Variants in COL14A1 observed in about 807,000 individuals in gnomAD.
COL14A1 encodes the protein collagen alpha-1(XIV) chain.
In COL14A1, 136 loss-of-function variants were observed where a neutral mutation model predicts 230.3. The ratio of observed to expected loss-of-function variants is 0.59; its 90% CI spans 0.51 to 0.68. COL14A1 has a LOEUF of 0.68. Ranked by LOEUF, COL14A1 falls within the 30% of genes least tolerant of loss-of-function variation. COL14A1 has a pLI of 0.00. For missense variants in COL14A1, 1,976 were observed against 2,215.8 expected (o/e 0.89, Z 2.17); for synonymous variants, 792 against 784.1 (o/e 1.01, Z -0.17).
chr8:120,315,497 A>T (rs1168918957), intron 38 of COL14A1, 36 bp from the exon 39 acceptor site: 1 of 1,557,980 alleles, frequency 6.4e-7, no homozygotes, highest in Non-Finnish European at 8.8e-7. Flanking sequence ...GAATTTACCT[A>T]TGTGAACTTA....
At chr8:120,173,661 T>TCTAA (rs1816172755) in intron 5 of COL14A1, among the ~76,000 whole-genome samples, 1 of 150,624 alleles carries the variant, frequency 6.6e-6, no homozygotes, top group Non-Finnish European at 1.5e-5. Context: ...TATCTATCTA[T>TCTAA]CTATCTATCT....
intron 8 of COL14A1, among the ~76,000 whole-genome samples, chr8:120,202,398 A>G (rs978209472): frequency 3.3e-5 from 5 of 152,192 alleles, no homozygotes; most frequent in African/African-American, 1.2e-4. Context: ...CCAGCCATCT[A>G]AGAAGTAATT....
chr8:120,322,394 A>G (rs1466300277), intron 40 of COL14A1, among the ~76,000 whole-genome samples: 1 of 152,236 alleles, frequency 6.6e-6, no homozygotes, highest in Admixed American at 6.5e-5. Flanking sequence ...AAAATAAAAT[A>G]GTATATGTGG....
chr8:120,319,217 T>A (rs1586859808), intron 40 of COL14A1, among the ~76,000 whole-genome samples: 1 of 152,082 alleles, frequency 6.6e-6, no homozygotes, highest in East Asian at 1.9e-4. Flanking sequence ...AGTACAGTGG[T>A]GTAATCATGA....
At chr8:120,353,451 GC>G (rs1298914790) in intron 45 of COL14A1, among the ~76,000 whole-genome samples, 1 of 122,356 alleles carries the variant, frequency 8.2e-6, no homozygotes, top group Non-Finnish European at 1.7e-5. Flanking sequence ...GAGTGAACAG[GC>G]AACCTACAAA....
intron 23 of COL14A1, among the ~76,000 whole-genome samples, chr8:120,259,269 TA>T (rs1166833921): frequency 6.6e-6 from 1 of 152,286 alleles, no homozygotes; most frequent in Non-Finnish European, 1.5e-5. Context: ...TGGAACTCAA[TA>T]ACTACTTGTA....
chr8:120,175,150 G>A (rs1428283931), intron 5 of COL14A1, among the ~76,000 whole-genome samples: 1 of 152,206 alleles, frequency 6.6e-6, no homozygotes, highest in Admixed American at 6.5e-5. Flanking sequence ...TGCAGTTAAA[G>A]TTACAGTTAA....
chr8:120,217,395 G>T (rs1183278187), intron 14 of COL14A1, among the ~76,000 whole-genome samples: 2 of 152,132 alleles, frequency 1.3e-5, no homozygotes, highest in African/African-American at 2.4e-5. Context: ...AAACAGCGAG[G>T]TTATTTTTAT....
At chr8:120,174,247 T>A (rs1440970083) in intron 5 of COL14A1, among the ~76,000 whole-genome samples, 2 of 143,364 alleles carry the variant, frequency 1.4e-5, no homozygotes, top group Non-Finnish European at 3.1e-5. Flanking sequence ...AGGAAGTTTG[T>A]GGGTTTGGAT....
intron 45 of COL14A1, among the ~76,000 whole-genome samples, chr8:120,347,912 G>T (rs1822578827): frequency 6.6e-6 from 1 of 152,100 alleles, no homozygotes. Flanking sequence ...ACAAAAGCAA[G>T]ATTATGAGAA....
At chr8:120,340,132 G>A (rs1756608608) in intron 42 of COL14A1, among the ~76,000 whole-genome samples, 1 of 150,892 alleles carries the variant, frequency 6.6e-6, no homozygotes, top group African/African-American at 2.4e-5. Flanking sequence ...GTGTGTGTGT[G>A]TGTATTGAAT....
intron 24 of COL14A1, among the ~76,000 whole-genome samples, chr8:120,264,922 G>A (rs1281089295): frequency 6.6e-6 from 1 of 152,092 alleles, no homozygotes; most frequent in Non-Finnish European, 1.5e-5. Context: ...ACCCCGCACT[G>A]GTTAACTGCT....
At chr8:120,340,257 G>C (rs1822247702) in intron 42 of COL14A1, among the ~76,000 whole-genome samples, 1 of 152,098 alleles carries the variant, frequency 6.6e-6, no homozygotes, top group Non-Finnish European at 1.5e-5. Flanking sequence ...CATCTTCAGT[G>C]ACAGCACATT....
chr8:120,325,640 AAC>A (rs1259706837), intron 40 of COL14A1, among the ~76,000 whole-genome samples: 6 of 152,062 alleles, frequency 3.9e-5, no homozygotes, highest in African/African-American at 1.2e-4. Context: ...TTACAGGCGT[AAC>A]GTACCGCACC....
intron 13 of COL14A1, chr8:120,213,849 T>C (rs779653981): frequency 9.3e-5 from 31 of 332,056 alleles, no homozygotes; most frequent in Non-Finnish European, 1.4e-4. Context: ...TTGCCAAATG[T>C]AATAGAATTC....
At position 120,250,740 on chromosome 8, in the gene COL14A1, A is replaced by C. The variant is rs746932429; in HGVS notation, c.2726A>C (p.Asp909Ala). ...GCCTCCCAGGCCTCAGGCTTCAGCG[A>C]CGCCCTGACAGGCATGGTGAAAACA... Reference protein sequence around the residue: ...IFASQASGFSDALTGMVKTLF... With the variant: ...IFASQASGFSAALTGMVKTLF... The change falls in exon 22 of 48, where the codon GAC becomes GCC. Residue 909 changes from aspartate (D) to alanine (A), a missense_variant. Transcript: ENST00000297848. The C allele has an allele frequency of 6.2e-7, 1 of 1,614,062 alleles. No individual in the cohort carries two copies. The highest frequency in any genetic ancestry group is 1.1e-5 in the South Asian group (1 of 91,080).
Position 120,278,572 on chromosome 8 carries a change from T to A in COL14A1, c.3475T>A (p.Leu1159Ile). The change falls in exon 28 of 48, where the codon TTA becomes ATA. Residue 1159 changes from leucine to isoleucine, a missense_variant. Leu to Ile is a conservative substitution (Grantham distance 5). Around this residue, in one of 3 missense-constraint regions of COL14A1, gnomAD observed 1,791 missense variants for 2,019.5 expected, o/e 0.89. Transcript: ENST00000297848. ...DVNKISREMQ[L>I]DGYSIFAIGV... ...GAACAAAATCTCCAGGGAGATGCAATTAGATGGTAAGATATATAAACAATA... is the reference window on the plus strand; with the variant it reads ...GAACAAAATCTCCAGGGAGATGCAAATAGATGGTAAGATATATAAACAATA... 1 of 1,612,052 alleles carries A rather than the reference T, an allele frequency of 6.2e-7. No individual in the cohort carries two copies. Among genetic ancestry groups the A allele is most frequent in the Non-Finnish European group, 8.5e-7 (1 of 1,179,062 alleles).
At chr8:120,150,834 A>G (rs555835496) in intron 2 of COL14A1, among the ~76,000 whole-genome samples, 1 of 152,220 alleles carries the variant, frequency 6.6e-6, no homozygotes, top group East Asian at 1.9e-4. Flanking sequence ...TTATATTCGA[A>G]TTGTATTTTA....
intron 42 of COL14A1, among the ~76,000 whole-genome samples, chr8:120,333,532 A>G (rs913745418): frequency 6.6e-6 from 1 of 152,246 alleles, no homozygotes; most frequent in Non-Finnish European, 1.5e-5. Flanking sequence ...CTGCAAACAC[A>G]CTAAGAATGT....
Sources: gnomAD v4.1 joint callset for allele counts (sites outside exome capture counted in the v4.1 genomes callset) on GRCh38, gnomAD v4.1.1 for gene constraint, gnomAD v4.1.1 regional missense constraint, MANE v1.5 for transcripts, NCBI Gene and HGNC (gene_info 2026-07-23, HGNC 2026-07-21) for gene names.